The following CDCP1 variants were observed in gnomAD, a reference collection of about 807,000 sequenced individuals.
CDCP1 encodes CUB domain containing protein 1.
In CDCP1, 29 loss-of-function variants were observed where a neutral mutation model predicts 60.2. The observed-to-expected ratio is 0.48, with a 90% CI of 0.36 to 0.66. The LOEUF is 0.66. Among genes scored for constraint, CDCP1 ranks in the 30% least tolerant of loss-of-function variants. The pLI, the probability that CDCP1 is intolerant of heterozygous loss-of-function variation, is 0.00. For synonymous variants in CDCP1, 387 were observed against 431.1 expected (o/e 0.90, Z 1.27); for missense variants, 876 against 1,074.3 (o/e 0.82, Z 2.58).
chr3:45,137,786 C>T (rs1212120351), intron 1 of CDCP1, among the ~76,000 whole-genome samples: 1 of 145,336 alleles, frequency 6.9e-6, no homozygotes, highest in Non-Finnish European at 1.5e-5. Context: ...TGCCACTGCA[C>T]TCCAGCCTGG....
At chr3:45,106,612 T>A (rs1018508786) in intron 4 of CDCP1, among the ~76,000 whole-genome samples, 1 of 152,166 alleles carries the variant, frequency 6.6e-6, no homozygotes, top group Admixed American at 6.5e-5. Flanking sequence ...GATTCCTGAC[T>A]GGGAGGAGTT....
intron 8 of CDCP1, among the ~76,000 whole-genome samples, chr3:45,088,843 T>A (rs984239679): frequency 1.3e-5 from 2 of 151,956 alleles, no homozygotes; most frequent in African/African-American, 2.4e-5. Flanking sequence ...CAGGTGAAAA[T>A]GTCACGTGTG....
At chr3:45,117,259 A>G (rs184972021) in intron 2 of CDCP1, among the ~76,000 whole-genome samples, 43 of 152,306 alleles carry the variant, frequency 2.8e-4, no homozygotes, top group Admixed American at 7.2e-4. Context: ...CTACCTAATT[A>G]TTATTATTTC....
chr3:45,087,815 C>T (rs1015077368), intron 8 of CDCP1, among the ~76,000 whole-genome samples: 9 of 152,034 alleles, frequency 5.9e-5, no homozygotes, highest in Admixed American at 3.3e-4. Context: ...GTCAAGAGAT[C>T]GAGACCATCC....
chr3:45,129,676 G>A (rs1037138715), intron 1 of CDCP1, among the ~76,000 whole-genome samples: 3 of 152,126 alleles, frequency 2.0e-5, no homozygotes, highest in Non-Finnish European at 2.9e-5. Context: ...GGACACACAC[G>A]CAAAGGCCCA....
At chr3:45,088,859 TC>T (rs534201471) in intron 8 of CDCP1, among the ~76,000 whole-genome samples, 194 bp downstream of exon 8, 28 of 151,120 alleles carry the variant, frequency 1.9e-4, no homozygotes, top group Middle Eastern at 3.4e-3. Flanking sequence ...GTGTGTTTTA[TC>T]CCCCCCTCAC....
At chr3:45,112,889 T>C (rs1698724493) in intron 2 of CDCP1, among the ~76,000 whole-genome samples, 2 of 152,262 alleles carry the variant, frequency 1.3e-5, no homozygotes, top group East Asian at 1.9e-4. Flanking sequence ...CTACGTGCCC[T>C]GCTCTATCCT....
intron 2 of CDCP1, among the ~76,000 whole-genome samples, 161 bp from the exon 3 acceptor site, chr3:45,112,606 T>C (rs1303921815): frequency 1.3e-5 from 2 of 152,240 alleles, no homozygotes; most frequent in Non-Finnish European, 2.9e-5. Context: ...TGAGTCTTAG[T>C]GGCCAATGGC....
At position 45,085,851 on chromosome 3, in the gene CDCP1, C is replaced by T. The variant is rs753347608; in HGVS notation, c.2298G>A (p.Gln766=). The T allele has an allele frequency of 5.6e-6, 9 of 1,614,140 alleles. No individual in the cohort carries two copies. The South Asian group carries it at 9.9e-5, about 18-fold the overall frequency. ...AGGGAGGACAGACCCCCATGGTGCCCTGGAACGGCCGGTAGGTGTCCACCT... is the reference window on the plus strand; with the variant it reads ...AGGGAGGACAGACCCCCATGGTGCCTTGGAACGGCCGGTAGGTGTCCACCT... ...QPEVDTYRPF[Q]GTMGVCPPSP... is the part of the protein sequence containing the mutation. The change falls in exon 9 of 9, where the codon CAG becomes CAA. Residue 766 remains glutamine (Q), a synonymous_variant. Coordinates refer to ENST00000296129, the MANE Select transcript of CDCP1 (RefSeq NM_022842.5). The surrounding 1 kb of genome is among the most constrained non-coding windows in gnomAD (Gnocchi z 4.2).
At chr3:45,118,158 A>T (rs1306684370) in intron 2 of CDCP1, among the ~76,000 whole-genome samples, 2 of 152,170 alleles carry the variant, frequency 1.3e-5, no homozygotes, top group Non-Finnish European at 2.9e-5. Flanking sequence ...TCTGCTTACT[A>T]GTTGTGCCCA....
Position 45,108,755 on chromosome 3 carries a change from ATG to A in CDCP1, c.1024+1716_1024+1717del, listed in dbSNP as rs1310280842. Among the ~76,000 whole-genome samples the A allele has an allele frequency of 5.7e-5, 5 of 87,388 alleles. No homozygotes were observed. In the Admixed American group the frequency reaches 6.0e-4, roughly 11 times the overall value. The allele number at this position is 87,388 out of a possible 152,430, so 57.3% of individuals were successfully genotyped here. A position where few individuals can be genotyped will look rare whatever the true frequency, so the allele number is the denominator to read the frequency against. ...TATATGCATGTATACATATATATGCATGTATATATATATATGCATGTATACAT... is the reference window on the plus strand; with the variant it reads ...TATATGCATGTATACATATATATGCATATATATATATATGCATGTATACAT... On this transcript the variant is annotated intron_variant, in intron 4 of 8. Coordinates refer to ENST00000296129, the MANE Select transcript of CDCP1 (RefSeq NM_022842.5).
At chr3:45,139,639 A>T (rs1699250173) in intron 1 of CDCP1, 1 of 152,276 alleles carries the variant, frequency 6.6e-6, no homozygotes, top group Non-Finnish European at 1.5e-5. Context: ...AGGGTGGCCC[A>T]GGATGCAACT....
chr3:45,128,570 A>G (rs550069476), intron 1 of CDCP1, among the ~76,000 whole-genome samples: 4 of 152,224 alleles, frequency 2.6e-5, no homozygotes, highest in Non-Finnish European at 4.4e-5. Context: ...GCAACGTTGA[A>G]AAGAACCATG....
intron 5 of CDCP1, among the ~76,000 whole-genome samples, chr3:45,094,196 G>A (rs1698355908): frequency 6.6e-6 from 1 of 151,440 alleles, no homozygotes; most frequent in Non-Finnish European, 1.5e-5. Flanking sequence ...CAGCAAGGAG[G>A]TGGCTGTTGG....
intron 1 of CDCP1, among the ~76,000 whole-genome samples, chr3:45,126,125 T>TCTTTCTTTCTTC (rs1024876519): frequency 1.6e-5 from 2 of 126,306 alleles, no homozygotes; most frequent in Non-Finnish European, 3.2e-5. Flanking sequence ...TTTCTTTCTT[T>TCTTTCTTTCTTC]CTTTCTTTCT....
chr3:45,091,303 C>T lies in CDCP1; in HGVS notation c.1863G>A (p.Leu621=). 1 of 1,614,132 alleles carries T rather than the reference C, an allele frequency of 6.2e-7. No individual in the cohort carries two copies. Among genetic ancestry groups the T allele is most frequent in the Non-Finnish European group, 8.5e-7 (1 of 1,180,044 alleles). The change falls in exon 7 of 9, where the codon CTG becomes CTA. Residue 621 remains leucine, a synonymous_variant. Transcript: ENST00000296129. The surrounding 1 kb of genome is among the most constrained non-coding windows in gnomAD (Gnocchi z 4.8). ...QRTRAEEIFS[L]DEDVLPKPSF... is the part of the protein sequence containing the mutation. ...TTGGCTTGGGGAGCACATCCTCGTC[C>T]AGGCTGAAGATCTCCTCAGCCCGGG...
At position 45,112,730 on chromosome 3, in the gene CDCP1, T is replaced by G. The variant is rs376859670; in HGVS notation, c.293-285A>C. ...TGCCCATCCCAAGGGAGAGGTGCTG[T>G]CTACAGCCAATAATGGCCTCCTGCA... is the stretch of plus-strand genomic sequence containing the variant. On this transcript the variant is annotated intron_variant, in intron 2 of 8. Transcript: ENST00000296129. Among the ~76,000 whole-genome samples, 24 of 152,320 alleles carry G rather than the reference T, an allele frequency of 1.6e-4. No homozygotes were observed. The East Asian group carries it at 4.1e-3, about 26-fold the overall frequency.
chr3:45,091,447 A>G lies in CDCP1; in HGVS notation c.1719T>C (p.Ser573=). ...TGGGCACGCTGATGTTCCAGGACAC[A>G]GAGGTGAGGGATGGCAGGCCCCGGT... is the stretch of plus-strand genomic sequence containing the variant. ...NWDRGLPSLT[S]VSWNISVPRD... is the part of the protein sequence containing the mutation. The change falls in exon 7 of 9, where the codon TCT becomes TCC. Residue 573 remains serine, a synonymous_variant. Transcript: ENST00000296129. The surrounding 1 kb of genome is among the most constrained non-coding windows in gnomAD (Gnocchi z 4.8). The G allele has an allele frequency of 6.2e-7, 1 of 1,612,808 alleles. No individual in the cohort carries two copies. The highest frequency in any genetic ancestry group is 8.5e-7 in the Non-Finnish European group (1 of 1,179,396).
At chr3:45,097,998 C>T (rs1419241634) in intron 4 of CDCP1, among the ~76,000 whole-genome samples, 1 of 152,104 alleles carries the variant, frequency 6.6e-6, no homozygotes. Context: ...TTTCAAAACT[C>T]ACCTTCATTG....
Sources: gnomAD v4.1 joint callset for allele counts (sites outside exome capture counted in the v4.1 genomes callset) on GRCh38, gnomAD v4.1.1 for gene constraint, Gnocchi (gnomAD v3.1) non-coding constraint, MANE v1.5 for transcripts, NCBI Gene and HGNC (gene_info 2026-07-23, HGNC 2026-07-21) for gene names.